Variants in GNG12 observed in about 807,000 individuals in gnomAD.
GNG12 encodes the protein guanine nucleotide-binding protein G(I)/G(S)/G(O) subunit gamma-12.
For synonymous variants in GNG12, 28 were observed against 29.7 expected (o/e 0.94, Z 0.19); for missense variants, 69 against 83.8 (o/e 0.82, Z 0.69).
rs574660573 is a variant in GNG12 at position 67,781,585 on chromosome 1, TGAA to T, written c.-76-4081_-76-4079del. ...ACATGCAAGGAGTGAAGTGACCTAATGAAGAGTTTAACAAGGTCTCTTCAGCAG... is the reference window on the plus strand; with the variant it reads ...ACATGCAAGGAGTGAAGTGACCTAATGAGTTTAACAAGGTCTCTTCAGCAG... On this transcript the variant is annotated intron_variant, in intron 1 of 3. Transcript: ENST00000370982. 1.8e-3 allele frequency among the ~76,000 whole-genome samples: 272 copies of T among 152,300 alleles called. 1 individual carries two copies. Among genetic ancestry groups the T allele is most frequent in the Middle Eastern group, 6.8e-3 (2 of 294 alleles).
chr1:67,821,795 T>C (rs1242215249), intron 1 of GNG12, among the ~76,000 whole-genome samples: 2 of 148,502 alleles, frequency 1.3e-5, no homozygotes, highest in African/African-American at 2.4e-5. Context: ...TAGTGGCACA[T>C]AGAATAGTGG....
intron 1 of GNG12, among the ~76,000 whole-genome samples, chr1:67,810,876 C>A (rs934732688): frequency 6.6e-6 from 1 of 152,196 alleles, no homozygotes; most frequent in African/African-American, 2.4e-5. Context: ...GACGGAAATA[C>A]TCTAAAAGGT....
chr1:67,739,570 T>G (rs142053739), intron 2 of GNG12, among the ~76,000 whole-genome samples: 5 of 152,228 alleles, frequency 3.3e-5, no homozygotes, highest in Non-Finnish European at 5.9e-5. Flanking sequence ...GGATCAGAGA[T>G]AGCTTTTTGA....
Position 67,705,339 on chromosome 1 carries a change from A to C in GNG12, c.*112T>G. The C allele has an allele frequency of 6.7e-7, 1 of 1,484,254 alleles. No homozygotes were observed. The highest frequency in any genetic ancestry group is 9.0e-7 in the Non-Finnish European group (1 of 1,117,192). The allele number at this position is 1,484,254 out of a possible 1,614,324, so 91.9% of individuals were successfully genotyped here. A position where few individuals can be genotyped will look rare whatever the true frequency, so the allele number is the denominator to read the frequency against. On this transcript the variant is annotated 3_prime_UTR_variant, in exon 4 of 4. Coordinates refer to ENST00000370982, the MANE Select transcript of GNG12 (RefSeq NM_018841.6). ...TCAGAGTCCATTATTCCAAGCTGAG[A>C]ACATTTTAGTTATTAGCAGTGGTTA... is the stretch of plus-strand genomic sequence containing the variant.
intron 1 of GNG12, among the ~76,000 whole-genome samples, chr1:67,812,188 T>C (rs766168486): frequency 3.3e-5 from 5 of 152,202 alleles, no homozygotes; most frequent in Non-Finnish European, 5.9e-5. Flanking sequence ...TGTGGGTTAT[T>C]ATTTTCTCTA....
intron 2 of GNG12, among the ~76,000 whole-genome samples, chr1:67,769,188 C>T (rs184006964): frequency 3.4e-4 from 52 of 152,308 alleles, no homozygotes; most frequent in Non-Finnish European, 5.9e-4. Context: ...CAAGCATCTT[C>T]CCAGCATGTG....
intron 2 of GNG12, among the ~76,000 whole-genome samples, chr1:67,751,184 G>C (rs1340094177): frequency 2.1e-5 from 3 of 140,692 alleles, no homozygotes; most frequent in African/African-American, 7.6e-5. Context: ...TACACATACA[G>C]ACACACACAC....
chr1:67,777,153 G>C (rs1281830706), intron 2 of GNG12: 1 of 152,068 alleles, frequency 6.6e-6, no homozygotes, highest in Non-Finnish European at 1.5e-5. Flanking sequence ...ATAACACTCT[G>C]TTGTTTTGGA....
chr1:67,710,958 T>C lies in GNG12; in HGVS notation c.-26-3246A>G, dbSNP rs144051614. 4.4e-3 allele frequency among the ~76,000 whole-genome samples: 664 copies of C among 152,192 alleles called. 1 individual carries two copies. Among genetic ancestry groups the C allele is most frequent in the Non-Finnish European group, 7.1e-3 (484 of 67,994 alleles). ...GCTCCTGCCCTCACAGAGAAAACGT[T>C]AAACAAGCCATTAGACAACCCCTTC... On this transcript the variant is annotated intron_variant, in intron 2 of 3. Coordinates refer to ENST00000370982, the MANE Select transcript of GNG12 (RefSeq NM_018841.6).
At chr1:67,765,081 T>C (rs1646627819) in intron 2 of GNG12, among the ~76,000 whole-genome samples, 1 of 152,116 alleles carries the variant, frequency 6.6e-6, no homozygotes. Flanking sequence ...AAAATTAAAG[T>C]AGACAAAATA....
At chr1:67,726,269 G>A (rs1252554660) in intron 2 of GNG12, among the ~76,000 whole-genome samples, 1 of 152,162 alleles carries the variant, frequency 6.6e-6, no homozygotes. Context: ...TCTTTAAGTT[G>A]AATCCTCTAT....
At chr1:67,822,624 A>G (rs1052505071) in intron 1 of GNG12, among the ~76,000 whole-genome samples, 5 of 152,228 alleles carry the variant, frequency 3.3e-5, no homozygotes, top group African/African-American at 4.8e-5. Context: ...TGGGCCTGGA[A>G]GATAAAATTT....
chr1:67,782,240 T>C (rs1158606351), intron 1 of GNG12, among the ~76,000 whole-genome samples: 1 of 152,210 alleles, frequency 6.6e-6, no homozygotes. Flanking sequence ...TCCTACAAAT[T>C]TGTCTTTATT....
intron 1 of GNG12, among the ~76,000 whole-genome samples, chr1:67,780,671 G>A (rs1469345473): frequency 6.6e-6 from 1 of 152,156 alleles, no homozygotes; most frequent in Non-Finnish European, 1.5e-5. Context: ...CTTTAACAAA[G>A]CAAGTTTTGA....
At chr1:67,747,952 G>C (rs1646516483) in intron 2 of GNG12, among the ~76,000 whole-genome samples, 1 of 152,210 alleles carries the variant, frequency 6.6e-6, no homozygotes, top group African/African-American at 2.4e-5. Context: ...GAGGCTGCTG[G>C]CTATGAGGAG....
intron 2 of GNG12, among the ~76,000 whole-genome samples, chr1:67,709,246 A>G (rs975747701): frequency 1.3e-5 from 2 of 152,206 alleles, no homozygotes; most frequent in African/African-American, 4.8e-5. Flanking sequence ...CATGAACTGC[A>G]GCTGCTAGTA....
intron 1 of GNG12, among the ~76,000 whole-genome samples, chr1:67,788,214 A>G: frequency 6.6e-6 from 1 of 152,248 alleles, no homozygotes; most frequent in East Asian, 1.9e-4. Context: ...TCTGTGTGCT[A>G]ACGTCAAATA....
intron 1 of GNG12, among the ~76,000 whole-genome samples, chr1:67,810,679 C>T (rs1181284580): frequency 1.3e-5 from 2 of 152,196 alleles, no homozygotes; most frequent in Non-Finnish European, 2.9e-5. Flanking sequence ...AATTCTCCCT[C>T]CTCCTCCCCA....
intron 1 of GNG12, among the ~76,000 whole-genome samples, chr1:67,826,367 G>A (rs543790509): frequency 6.6e-6 from 1 of 152,326 alleles, no homozygotes; most frequent in South Asian, 2.1e-4. Context: ...GCAGATGTGA[G>A]CCTCCCATTT....
Sources: allele counts gnomAD v4.1 joint callset (sites outside exome capture counted in the v4.1 genomes callset), GRCh38; gene constraint gnomAD v4.1.1; transcripts MANE v1.5; gene names NCBI Gene and HGNC (gene_info 2026-07-23, HGNC 2026-07-21).